The following HPS1 variants were observed in gnomAD, a reference collection of about 807,000 sequenced individuals.
HPS1 encodes BLOC-3 complex member HPS1.
In HPS1, 59 loss-of-function variants were observed where a neutral mutation model predicts 90.6. The observed-to-expected ratio is 0.65, with a 90% confidence interval of 0.53 to 0.81. The LOEUF is 0.81. HPS1 is among the 30% of genes least tolerant of loss of function. The pLI, the probability that HPS1 is intolerant of heterozygous loss-of-function variation, is 0.00. For synonymous variants in HPS1, 388 were observed against 384.4 expected (o/e 1.01, Z -0.11); for missense variants, 849 against 896.7 (o/e 0.95, Z 0.68).
At chr10:98,425,364 G>T (rs1845458637) in intron 13 of HPS1, among the ~76,000 whole-genome samples, 177 bp downstream of exon 13, 1 of 152,216 alleles carries the variant, frequency 6.6e-6, no homozygotes, top group South Asian at 2.1e-4. Flanking sequence ...AAACCAAAAA[G>T]CAGCTAAGTT....
Position 98,423,746 on chromosome 10 carries a change from C to A in HPS1, c.1532+7G>T. 2 of 1,614,110 alleles carry A rather than the reference C, an allele frequency of 1.2e-6. No homozygotes were observed. The highest frequency in any genetic ancestry group is 8.5e-7 in the Non-Finnish European group (1 of 1,180,030). On this transcript the variant is annotated splice_region_variant and intron_variant, in intron 15 of 19. Transcript: ENST00000361490. Reference sequence around the variant, plus strand: ...CCTGGCCACCCAGGGGGCCGCACTGCACTTACCGCATGAGCCTCTGCACTT... The same window carrying A: ...CCTGGCCACCCAGGGGGCCGCACTGAACTTACCGCATGAGCCTCTGCACTT...
At chr10:98,444,443 C>G (rs1939092171) in intron 2 of HPS1, among the ~76,000 whole-genome samples, 1 of 152,218 alleles carries the variant, frequency 6.6e-6, no homozygotes, top group East Asian at 1.9e-4. Flanking sequence ...GAGGACAGTG[C>G]TCCAGGCTGG....
intron 2 of HPS1, among the ~76,000 whole-genome samples, chr10:98,443,613 C>T (rs1938857065): frequency 6.6e-6 from 1 of 152,210 alleles, no homozygotes; most frequent in South Asian, 2.1e-4. Flanking sequence ...AGGTCTTGGC[C>T]TAGACATGGA....
At chr10:98,442,522 T>TC (rs1260008554) in intron 3 of HPS1, 1 of 152,596 alleles carries the variant, frequency 6.6e-6, no homozygotes, top group Admixed American at 6.4e-5. Context: ...CGTTAAACTT[T>TC]TTTTTTTTTT....
At chr10:98,443,652 G>C (rs149953811) in intron 2 of HPS1, among the ~76,000 whole-genome samples, 4 of 152,206 alleles carry the variant, frequency 2.6e-5, no homozygotes, top group Non-Finnish European at 5.9e-5. Context: ...CCATGCTCAC[G>C]GCAGCCAGTT....
At position 98,434,075 on chromosome 10, in the gene HPS1, G is replaced by T. The variant is rs1313659895; in HGVS notation, c.415C>A (p.Leu139Met). 1.9e-6 allele frequency: 3 copies of T among 1,550,442 alleles called. No homozygotes were observed. Among genetic ancestry groups the T allele is most frequent in the Non-Finnish European group, 2.6e-6 (3 of 1,147,148 alleles). The change falls in exon 6 of 20, where the codon CTG becomes ATG. Residue 139 changes from leucine (L) to methionine (M), a missense_variant. Coordinates refer to ENST00000361490, the MANE Select transcript of HPS1 (RefSeq NM_000195.5). Reference sequence around the variant, plus strand: ...TCCCACAGCTGGACACGCTGCGCCAGGTCTGGGGGCCGCAGCCTGGGGGCA... The same window carrying T: ...TCCCACAGCTGGACACGCTGCGCCATGTCTGGGGGCCGCAGCCTGGGGGCA... Reference protein sequence around the residue: ...LIRKELRPPDLAQRVQLWEHF... With the variant: ...LIRKELRPPDMAQRVQLWEHF...
intron 16 of HPS1, 49 bp downstream of exon 16, chr10:98,423,554 C>T: frequency 6.4e-7 from 1 of 1,557,398 alleles, no homozygotes; most frequent in Non-Finnish European, 8.9e-7. Flanking sequence ...GTAGAGGCAG[C>T]AGATCCAAGA....
Position 98,423,803 on chromosome 10 carries a change from T to TC in HPS1, c.1481dup (p.Gly495ArgfsTer87), listed in dbSNP as rs1297265408. ...GCAGGTGCTGGGGCAGGTGTGGGCC[T>TC]CCCCTGCTGGGGGCTGTGGTCAGAA... On this transcript the variant is annotated frameshift_variant, in exon 15 of 20. Transcript: ENST00000361490. LOFTEE classifies it high-confidence loss of function. The TC allele has an allele frequency of 1.2e-6, 2 of 1,613,840 alleles. No homozygotes were observed. Among genetic ancestry groups the TC allele is most frequent in the African/African-American group, 2.7e-5 (2 of 74,926 alleles).
At chr10:98,442,917 TG>T in intron 3 of HPS1, 1 of 609,402 alleles carries the variant, frequency 1.6e-6, no homozygotes, top group South Asian at 1.8e-5. Flanking sequence ...TGGTGGGGTG[TG>T]GGGGTGGGGT....
At chr10:98,415,879 C>T (rs1844040614), downstream of HPS1, among the ~76,000 whole-genome samples, 1 of 152,242 alleles carries the variant, frequency 6.6e-6, no homozygotes, top group Admixed American at 6.5e-5. Context: ...GCCCATTTTC[C>T]AAGAATCCCC....
At position 98,417,865 on chromosome 10, in the gene HPS1, C is replaced by T; in HGVS notation, c.1941-139G>A. ...GGCCCCTGCATGTGGGCCTTGACAA[C>T]CGCTCCGGTTCCTCACTGACCTAAC... On this transcript the variant is annotated intron_variant, in intron 19 of 19. Coordinates refer to ENST00000361490, the MANE Select transcript of HPS1 (RefSeq NM_000195.5). The surrounding 1 kb of genome is among the most constrained non-coding windows in gnomAD (Gnocchi z 4.2). The T allele has an allele frequency of 1.3e-6, 1 of 785,154 alleles. No individual in the cohort carries two copies. The highest frequency in any genetic ancestry group is 2.1e-6 in the Non-Finnish European group (1 of 470,370). 48.6% of individuals were successfully genotyped at this position (785,154 alleles called of 1,614,324 possible).
rs748476898 is a variant in HPS1 at position 98,417,804 on chromosome 10, C to A, written c.1941-78G>T. The A allele has an allele frequency of 1.4e-6, 2 of 1,402,496 alleles. No homozygotes were observed. The highest frequency in any genetic ancestry group is 2.0e-6 in the Non-Finnish European group (2 of 993,940). The allele number at this position is 1,402,496 out of a possible 1,614,324, so 86.9% of individuals were successfully genotyped here. Reference sequence around the variant, plus strand: ...AGCGCCAGAGGCCTCTCTGGGCCCTCGCAAGCAAATGCCCATGCCCTCGGT... The same window carrying A: ...AGCGCCAGAGGCCTCTCTGGGCCCTAGCAAGCAAATGCCCATGCCCTCGGT... On this transcript the variant is annotated intron_variant, in intron 19 of 19. Coordinates refer to ENST00000361490, the MANE Select transcript of HPS1 (RefSeq NM_000195.5). The surrounding 1 kb of genome is among the most constrained non-coding windows in gnomAD (Gnocchi z 4.2).
intron 18 of HPS1, among the ~76,000 whole-genome samples, chr10:98,419,220 G>C (rs1014985000): frequency 1.4e-4 from 22 of 152,314 alleles, no homozygotes; most frequent in African/African-American, 5.1e-4. Context: ...AGAGTGCAGG[G>C]TGGGGGCAGG....
At position 98,430,670 on chromosome 10, in the gene HPS1, G is replaced by A; in HGVS notation, c.669C>T (p.Ser223=). The A allele has an allele frequency of 1.3e-6, 2 of 1,551,196 alleles. No homozygotes were observed. The highest frequency in any genetic ancestry group is 1.7e-6 in the Non-Finnish European group (2 of 1,147,000). Residue 223 remains serine, a splice_region_variant and synonymous_variant, in exon 8 of 20, where the codon AGC becomes AGT. Transcript: ENST00000361490. ...CCGGGCGCAGGGAGCTGGCACTGTGGCTGCAGACACAGGAGCATGGCCACC... is the reference window on the plus strand; with the variant it reads ...CCGGGCGCAGGGAGCTGGCACTGTGACTGCAGACACAGGAGCATGGCCACC... The part of the protein sequence containing the change: ...VHSKLLAFYS[S]HSASSLRPAD...
rs576921326 is a variant in HPS1, at chr10:98,429,975, G to GCCTCCACC, written c.769-94_769-87dup. The GCCTCCACC allele has an allele frequency of 1.3e-3, 1,553 of 1,235,044 alleles. 14 individuals are homozygous for GCCTCCACC. The African/African-American group carries it at 0.017, about 14-fold the overall frequency. The allele number at this position is 1,235,044 out of a possible 1,614,324, so 76.5% of individuals were successfully genotyped here. ...CTGCCTCCCAGCGCTTCACAGAGAA[G>GCCTCCACC]CCTCCACCCCTCCACCCCTCCACCC... On this transcript the variant is annotated intron_variant, in intron 8 of 19. Transcript: ENST00000361490.
chr10:98,415,235 GA>G, downstream of HPS1: 1 of 1,452,154 alleles, frequency 6.9e-7, no homozygotes, highest in Non-Finnish European at 9.2e-7. Flanking sequence ...GCAGGAAGAG[GA>G]GGAGCTGCAG....
At chr10:98,424,432 G>C in intron 13 of HPS1, 58 bp from the exon 14 acceptor site, 1 of 1,454,236 alleles carries the variant, frequency 6.9e-7, no homozygotes, top group South Asian at 1.2e-5. Flanking sequence ...TGAGGTCCAG[G>C]CCAAAGTCCT....
rs727505003 is a variant in HPS1, at chr10:98,434,018, G to A, written c.472C>T (p.Arg158Cys). Reference sequence around the variant, plus strand: ...AAGCACTGCTCCTGCTCCCGCAGGCGGCTGTAGGTCCACAGCAGGCTCTGG... The same window carrying A: ...AAGCACTGCTCCTGCTCCCGCAGGCAGCTGTAGGTCCACAGCAGGCTCTGG... ...HFQSLLWTYS[R>C]LREQEQCFAV... The change falls in exon 6 of 20, where the codon CGC becomes TGC. Residue 158 changes from arginine (R) to cysteine (C), a missense_variant. Arg to Cys is a radical substitution (Grantham distance 180). Coordinates refer to ENST00000361490, the MANE Select transcript of HPS1 (RefSeq NM_000195.5). 3.8e-6 allele frequency: 6 copies of A among 1,558,516 alleles called. No individual in the cohort carries two copies. Among genetic ancestry groups the A allele is most frequent in the Admixed American group, 1.9e-5 (1 of 51,880 alleles).
Position 98,423,600 on chromosome 10 carries a change from T to C in HPS1, c.1598+3A>G. The C allele has an allele frequency of 6.2e-7, 1 of 1,613,672 alleles. No individual in the cohort carries two copies. Among genetic ancestry groups the C allele is most frequent in the South Asian group, 1.1e-5 (1 of 91,058 alleles). On this transcript the variant is annotated splice_donor_region_variant and intron_variant, in intron 16 of 19. Coordinates refer to ENST00000361490, the MANE Select transcript of HPS1 (RefSeq NM_000195.5). ...GCTGGCTGGGGCCCCGGCGTCAGGA[T>C]ATGACACCATGGTGATGTTCCTCCT...
Sources: gnomAD v4.1 joint callset for allele counts (sites outside exome capture counted in the v4.1 genomes callset) on GRCh38, gnomAD v4.1.1 for gene constraint, Gnocchi (gnomAD v3.1) non-coding constraint, MANE v1.5 for transcripts, NCBI Gene and HGNC (gene_info 2026-07-23, HGNC 2026-07-21) for gene names.